PCSK2: variants seen among roughly 807,000 people sequenced by gnomAD.
The protein encoded by PCSK2 is proprotein convertase subtilisin/kexin type 2.
Under a neutral mutation model 69.7 loss-of-function variants are expected in PCSK2, and 14 were observed. The ratio of observed to expected loss-of-function variants is 0.20; its 90% CI spans 0.13 to 0.31. The LOEUF is 0.31. PCSK2 is among the 10% of genes least tolerant of loss of function. PCSK2 has a pLI of 1.00. For missense variants in PCSK2, 544 were observed against 842.5 expected, an observed-to-expected ratio of 0.65 and a Z score of 4.39; for synonymous variants, 307 against 320.7, an observed-to-expected ratio of 0.96 and a Z score of 0.46.
Position 17,344,884 on chromosome 20 carries a change from C to T in PCSK2, c.283-13443C>T, listed in dbSNP as rs1050475658. ...TTTGCTGTTGATTTCAGTAGCATTT[C>T]TCCCTGACTTGCAGGAAACTGCCCA... On this transcript the variant is annotated intron_variant, in intron 2 of 11. Transcript: ENST00000262545. Among the ~76,000 whole-genome samples, 12 of 152,056 alleles carry T rather than the reference C, an allele frequency of 7.9e-5. No homozygotes were observed. The South Asian group carries it at 8.3e-4, about 10-fold the overall frequency.
chr20:17,246,873 A>G (rs1986790805), intron 1 of PCSK2, among the ~76,000 whole-genome samples: 1 of 151,938 alleles, frequency 6.6e-6, no homozygotes, highest in African/African-American at 2.4e-5. Context: ...AGACATAGTC[A>G]CTCTTATGTT....
intron 2 of PCSK2, among the ~76,000 whole-genome samples, chr20:17,331,682 T>C (rs547976743): frequency 7.9e-5 from 12 of 152,090 alleles, no homozygotes; most frequent in Non-Finnish European, 1.5e-4. Flanking sequence ...GAATTGCTTT[T>C]ATTATTGGAG....
At chr20:17,284,288 T>C (rs1988436294) in intron 2 of PCSK2, among the ~76,000 whole-genome samples, 1 of 152,208 alleles carries the variant, frequency 6.6e-6, no homozygotes, top group African/African-American at 2.4e-5. Context: ...CCCGTATACA[T>C]GAACTCTGAC....
intron 1 of PCSK2, among the ~76,000 whole-genome samples, chr20:17,242,608 C>T (rs922035373): frequency 5.3e-5 from 8 of 152,170 alleles, no homozygotes; most frequent in African/African-American, 1.7e-4. Context: ...ATTGGTCTCT[C>T]GTTCTAAATG....
chr20:17,442,924 T>C (rs1240015566), intron 8 of PCSK2, among the ~76,000 whole-genome samples: 1 of 152,194 alleles, frequency 6.6e-6, no homozygotes, highest in African/African-American at 2.4e-5. Context: ...TTCATGAGTC[T>C]GGAAGTTCCC....
intron 2 of PCSK2, among the ~76,000 whole-genome samples, chr20:17,275,111 AT>A (rs1988017108): frequency 2.3e-5 from 3 of 128,252 alleles, no homozygotes; most frequent in South Asian, 5.2e-4. Flanking sequence ...ATATATATAT[AT>A]AATGTTGGGC....
chr20:17,227,078 A>T lies in PCSK2; in HGVS notation c.-228A>T. 1.8e-6 allele frequency: 1 copy of T among 541,406 alleles called. No individual in the cohort carries two copies. Among genetic ancestry groups the T allele is most frequent in the Non-Finnish European group, 3.3e-6 (1 of 307,110 alleles). The allele number at this position is 541,406 out of a possible 1,614,324, so 33.5% of individuals were successfully genotyped here. A position where few individuals can be genotyped will look rare whatever the true frequency, so the allele number is the denominator to read the frequency against. On this transcript the variant is annotated 5_prime_UTR_variant, in exon 1 of 12. Transcript: ENST00000262545. ...GGTACACACAGCTCCCCACATTCGC[A>T]CCCCTGCCCGCGCGCCGGGCCGCCT...
At chr20:17,376,540 T>C (rs1485037986) in intron 5 of PCSK2, among the ~76,000 whole-genome samples, 1 of 152,106 alleles carries the variant, frequency 6.6e-6, no homozygotes, top group Non-Finnish European at 1.5e-5. Context: ...ATAGTGTGTA[T>C]TTCTTTTAGA....
chr20:17,301,126 A>G (rs1484174126), intron 2 of PCSK2, among the ~76,000 whole-genome samples: 2 of 152,240 alleles, frequency 1.3e-5, no homozygotes, highest in African/African-American at 4.8e-5. Flanking sequence ...AGGATTGCAG[A>G]CCATCATCTA....
intron 6 of PCSK2, among the ~76,000 whole-genome samples, chr20:17,411,627 T>C (rs2031875191): frequency 6.6e-6 from 1 of 152,192 alleles, no homozygotes; most frequent in Admixed American, 6.5e-5. Context: ...TCTGCAGACT[T>C]AAACGCCCCT....
chr20:17,383,370 A>G, intron 5 of PCSK2, among the ~76,000 whole-genome samples: 1 of 152,214 alleles, frequency 6.6e-6, no homozygotes, highest in East Asian at 1.9e-4. Flanking sequence ...ACACTTCAGT[A>G]CTTCTTTAGT....
intron 5 of PCSK2, 138 bp downstream of exon 5, chr20:17,369,415 C>T: frequency 1.4e-6 from 1 of 721,116 alleles, no homozygotes; most frequent in East Asian, 2.7e-5. Context: ...CACACACACA[C>T]AGGAGTACAG....
At chr20:17,470,892 C>A in intron 11 of PCSK2, among the ~76,000 whole-genome samples, 1 of 96,478 alleles carries the variant, frequency 1.0e-5, no homozygotes, top group East Asian at 2.9e-4. Flanking sequence ...GTGCAACTGG[C>A]ACGATATCTA....
intron 2 of PCSK2, among the ~76,000 whole-genome samples, chr20:17,281,120 C>T (rs568203272): frequency 6.6e-6 from 1 of 152,340 alleles, no homozygotes; most frequent in East Asian, 1.9e-4. Context: ...TCAAGACTCT[C>T]CATCTGAGGT....
At chr20:17,291,451 C>G (rs1988691857) in intron 2 of PCSK2, among the ~76,000 whole-genome samples, 1 of 152,040 alleles carries the variant, frequency 6.6e-6, no homozygotes, top group South Asian at 2.1e-4. Flanking sequence ...TTTAGCTAAC[C>G]AGTTCAAATG....
intron 2 of PCSK2, among the ~76,000 whole-genome samples, chr20:17,267,381 G>C: frequency 6.6e-6 from 1 of 152,198 alleles, no homozygotes. Flanking sequence ...AATGCAATGG[G>C]GGAGGTATGC....
chr20:17,238,815 A>G (rs1986440136), intron 1 of PCSK2, among the ~76,000 whole-genome samples: 1 of 152,192 alleles, frequency 6.6e-6, no homozygotes, highest in Admixed American at 6.5e-5. Context: ...TTCCACACCA[A>G]CAACCATTGG....
At chr20:17,467,019 T>A (rs2033115456) in intron 11 of PCSK2, among the ~76,000 whole-genome samples, 1 of 152,230 alleles carries the variant, frequency 6.6e-6, no homozygotes, top group African/African-American at 2.4e-5. Context: ...ATTTAAATGG[T>A]GGTAAAATTC....
At chr20:17,238,788 A>C (rs1986439610) in intron 1 of PCSK2, among the ~76,000 whole-genome samples, 1 of 152,222 alleles carries the variant, frequency 6.6e-6, no homozygotes, top group South Asian at 2.1e-4. Context: ...AAACAAAGCT[A>C]TTCATAGACT....
Sources: allele counts gnomAD v4.1 joint callset (sites outside exome capture counted in the v4.1 genomes callset), GRCh38; gene constraint gnomAD v4.1.1; transcripts MANE v1.5; gene names NCBI Gene and HGNC (gene_info 2026-07-23, HGNC 2026-07-21).